Variants in NTRK3 observed in about 807,000 individuals in gnomAD.
The protein encoded by NTRK3 is NT-3 growth factor receptor.
Under a neutral mutation model 91.7 loss-of-function variants are expected in NTRK3, and 24 were observed. The ratio of observed to expected loss-of-function variants is 0.26; its 90% CI spans 0.19 to 0.37. The LOEUF (loss-of-function observed/expected upper bound fraction) is 0.37, where lower values mean the gene tolerates loss of function less well. Among genes scored for constraint, NTRK3 ranks in the 10% least tolerant of loss-of-function variants. The pLI is 1.00. For missense variants in NTRK3, 880 were observed against 1,068.9 expected (o/e 0.82, Z 2.46); for synonymous variants, 483 against 404.0 (o/e 1.20, Z -2.34).
intron 3 of NTRK3, among the ~76,000 whole-genome samples, chr15:88,249,138 G>T (rs974622898): frequency 2.0e-5 from 3 of 152,092 alleles, no homozygotes; most frequent in Admixed American, 6.5e-5. Flanking sequence ...CCAGACTCTG[G>T]GACACTTATG....
chr15:88,195,359 T>C (rs1199247745), intron 3 of NTRK3, among the ~76,000 whole-genome samples: 1 of 152,264 alleles, frequency 6.6e-6, no homozygotes, highest in African/African-American at 2.4e-5. Context: ...TTCACTATTG[T>C]ATCTGCAGCA....
chr15:88,015,021 T>C (rs565616122), intron 14 of NTRK3, among the ~76,000 whole-genome samples: 1 of 152,322 alleles, frequency 6.6e-6, no homozygotes, highest in South Asian at 2.1e-4. Flanking sequence ...GCTAGATCGC[T>C]CTCATTTTCT....
At chr15:88,228,677 G>A (rs563016599) in intron 3 of NTRK3, among the ~76,000 whole-genome samples, 50 of 152,216 alleles carry the variant, frequency 3.3e-4, no homozygotes, top group African/African-American at 1.2e-3. Flanking sequence ...TTGTCTATTG[G>A]GGTCATCACT....
At chr15:88,242,803 G>T (rs1039355796) in intron 3 of NTRK3, among the ~76,000 whole-genome samples, 2 of 152,228 alleles carry the variant, frequency 1.3e-5, no homozygotes, top group South Asian at 2.1e-4. Context: ...AAGGCAGGCG[G>T]CCAGACACCT....
At chr15:88,247,577 A>G (rs2141971674) in intron 3 of NTRK3, among the ~76,000 whole-genome samples, 1 of 152,328 alleles carries the variant, frequency 6.6e-6, no homozygotes, top group Admixed American at 6.5e-5. Flanking sequence ...TAGCGAATAC[A>G]TCATTGCATA....
intron 17 of NTRK3, among the ~76,000 whole-genome samples, chr15:87,899,329 T>C (rs1243622114): frequency 6.6e-6 from 1 of 152,148 alleles, no homozygotes; most frequent in Non-Finnish European, 1.5e-5. Context: ...GATAAGTCTT[T>C]GCTGGTTTGT....
chr15:87,877,116 A>G, exon 19 of NTRK3: 1 of 1,614,074 alleles, frequency 6.2e-7, no homozygotes, highest in East Asian at 2.2e-5. Context: ...AATGCACTCA[A>G]TGACCTGAAA....
At chr15:88,183,884 C>A (rs2046732847) in intron 4 of NTRK3, among the ~76,000 whole-genome samples, 1 of 152,166 alleles carries the variant, frequency 6.6e-6, no homozygotes, top group Non-Finnish European at 1.5e-5. Context: ...TGGGAAATCT[C>A]ATACTCCATG....
At chr15:87,887,305 A>T (rs1394382676) in intron 17 of NTRK3, among the ~76,000 whole-genome samples, 1 of 152,216 alleles carries the variant, frequency 6.6e-6, no homozygotes, top group Non-Finnish European at 1.5e-5. Flanking sequence ...TATTAATAAA[A>T]TATTTCAAGA....
intron 5 of NTRK3, 102 bp from the exon 6 acceptor site, chr15:88,147,505 C>CCTTCTTCTTCTTCTTCTT (rs34299110): frequency 7.6e-5 from 50 of 660,192 alleles, no homozygotes; most frequent in African/African-American, 4.3e-4. Context: ...GCTTTGTTTT[C>CCTTCTTCTTCTTCTTCTT]CTTCTTCTTC....
At position 88,043,466 on chromosome 15, in the gene NTRK3, G is replaced by A. The variant is rs2079854008; in HGVS notation, c.1397-10421C>T. On this transcript the variant is annotated intron_variant, in intron 13 of 18. Transcript: ENST00000394480. ...CTGTAACTTTCCCCCAACTTCCTGG[G>A]GACTTTTGAAGACTGGGAGGAAACA... Among the ~76,000 whole-genome samples, 3 of 152,142 alleles carry A rather than the reference G, an allele frequency of 2.0e-5. No homozygotes were observed. In the South Asian group the frequency reaches 6.2e-4, roughly 32 times the overall value.
At chr15:87,943,652 G>A (rs892098991) in intron 14 of NTRK3, among the ~76,000 whole-genome samples, 4 of 151,952 alleles carry the variant, frequency 2.6e-5, no homozygotes, top group East Asian at 3.9e-4. Flanking sequence ...GCTGTGCCTC[G>A]GTCACATCTT....
At chr15:87,929,389 G>T in exon 17 of NTRK3, 1 of 1,614,100 alleles carries the variant, frequency 6.2e-7, no homozygotes, top group African/African-American at 1.3e-5. Flanking sequence ...CCTTGGCCTG[G>T]CGTGGCTGTC....
At chr15:88,219,864 C>A (rs1228850099) in intron 3 of NTRK3, among the ~76,000 whole-genome samples, 1 of 152,224 alleles carries the variant, frequency 6.6e-6, no homozygotes, top group Non-Finnish European at 1.5e-5. Context: ...CCCCACTGCA[C>A]ACATGGTGAA....
intron 17 of NTRK3, among the ~76,000 whole-genome samples, chr15:87,894,836 C>T (rs992065873): frequency 6.6e-6 from 1 of 152,210 alleles, no homozygotes; most frequent in Non-Finnish European, 1.5e-5. Flanking sequence ...CTGCTCTACT[C>T]TCTCCTCACT....
At chr15:88,204,179 T>C (rs574774063) in intron 3 of NTRK3, among the ~76,000 whole-genome samples, 2 of 152,232 alleles carry the variant, frequency 1.3e-5, no homozygotes, top group South Asian at 4.2e-4. Flanking sequence ...ATTTTTTAAG[T>C]GAAGTCCAGA....
intron 10 of NTRK3, among the ~76,000 whole-genome samples, chr15:88,130,524 G>A (rs755047482): frequency 2.0e-5 from 3 of 152,034 alleles, no homozygotes; most frequent in Non-Finnish European, 4.4e-5. Context: ...CCTTGACCAA[G>A]TAATAAAGTC....
At chr15:88,047,757 G>C (rs2080368829) in intron 13 of NTRK3, among the ~76,000 whole-genome samples, 1 of 152,188 alleles carries the variant, frequency 6.6e-6, no homozygotes, top group African/African-American at 2.4e-5. Flanking sequence ...GCCCTGGACA[G>C]TCTGTTTATC....
At chr15:88,057,148 G>A (rs1485543323) in intron 13 of NTRK3, among the ~76,000 whole-genome samples, 12 of 141,598 alleles carry the variant, frequency 8.5e-5, no homozygotes, top group African/African-American at 2.7e-4. Context: ...CAGCCTGGGC[G>A]ACAGAGCGAA....
Sources: allele counts gnomAD v4.1 joint callset (sites outside exome capture counted in the v4.1 genomes callset), GRCh38; gene constraint gnomAD v4.1.1; transcripts MANE v1.5; gene names NCBI Gene and HGNC (gene_info 2026-07-23, HGNC 2026-07-21).